PKD1L1: variants seen among roughly 807,000 people sequenced by gnomAD.
PKD1L1 encodes polycystin 1 like 1, transient receptor potential channel interacting.
A neutral mutation model predicts 323.4 loss-of-function variants in PKD1L1; 236 were observed. The ratio of observed to expected loss-of-function variants is 0.73; its 90% CI spans 0.66 to 0.81. The LOEUF (loss-of-function observed/expected upper bound fraction) is 0.81. Among genes scored for constraint, PKD1L1 ranks in the 40% least tolerant of loss-of-function variants. The pLI is 0.00. For synonymous variants in PKD1L1, 1,344 were observed against 1,335.0 expected, an observed-to-expected ratio of 1.01 and a Z score of -0.15; for missense variants, 3,320 against 3,508.0, an observed-to-expected ratio of 0.95 and a Z score of 1.35.
At position 47,800,833 on chromosome 7, in the gene PKD1L1, A is replaced by T. The variant is rs1241676448; in HGVS notation, c.8009T>A (p.Phe2670Tyr). 1 of 1,614,074 alleles carries T rather than the reference A, an allele frequency of 6.2e-7. No individual in the cohort carries two copies. Among genetic ancestry groups the T allele is most frequent in the Non-Finnish European group, 8.5e-7 (1 of 1,180,014 alleles). ...TGGTAGAACCCACATAGAGAGCAGA[A>T]ATCGGTGCAGGTGGGAGAGGGCGGC... ...MLAALSHLHR[F>Y]LLSMWVLPPG... The change falls in exon 54 of 57, where the codon TTT becomes TAT. Residue 2670 changes from phenylalanine to tyrosine, a missense_variant. Transcript: ENST00000289672.
In PKD1L1 at chr7:47,929,418, T is replaced by C. The variant is rs371267115; in HGVS notation, c.846A>G (p.Leu282=). Residue 282 remains leucine, a synonymous_variant, in exon 7 of 57, where the codon CTA becomes CTG. Coordinates refer to ENST00000289672, the MANE Select transcript of PKD1L1 (RefSeq NM_138295.5). ...PPTQHPPVAI[L]ARNSDNFMNP... is the part of the protein sequence containing the mutation. The stretch of plus-strand genomic sequence containing the variant: ...TCATGAAGTTATCAGAATTTCGAGC[T>C]AGGATGGCCACAGGAGGATGCTGAG... 11 of 1,613,996 alleles carry C rather than the reference T, an allele frequency of 6.8e-6. No individual in the cohort carries two copies. In the African/African-American group the frequency reaches 1.5e-4, roughly 22 times the overall value.
At chr7:47,820,541 A>G (rs1466390654) in intron 46 of PKD1L1, among the ~76,000 whole-genome samples, 1 of 152,200 alleles carries the variant, frequency 6.6e-6, no homozygotes, top group Admixed American at 6.5e-5. Context: ...CCTGACGAAC[A>G]TGGTGAAACC....
chr7:47,951,317 A>T (rs1390379034), upstream of PKD1L1, among the ~76,000 whole-genome samples: 1 of 152,178 alleles, frequency 6.6e-6, no homozygotes, highest in African/African-American at 2.4e-5. Flanking sequence ...GCTGGAAGAG[A>T]TCCTGGGAGG....
At chr7:47,814,439 G>A (rs1784971567) in intron 47 of PKD1L1, among the ~76,000 whole-genome samples, 1 of 152,208 alleles carries the variant, frequency 6.6e-6, no homozygotes, top group Non-Finnish European at 1.5e-5. Context: ...GAGTGCAGTG[G>A]TGTGACCTGA....
rs561349761 is a variant in PKD1L1 at position 47,878,551 on chromosome 7, T to C, written c.3521-920A>G. Among the ~76,000 whole-genome samples, 3 of 152,354 alleles carry C rather than the reference T, an allele frequency of 2.0e-5. No individual in the cohort carries two copies. In the East Asian group the frequency reaches 5.8e-4, roughly 29 times the overall value. ...TGTATTATCTTATTTAACAGTCACATTAACCATGGAAGACAGATCTCATAA... is the reference window on the plus strand; with the variant it reads ...TGTATTATCTTATTTAACAGTCACACTAACCATGGAAGACAGATCTCATAA... On this transcript the variant is annotated intron_variant, in intron 21 of 56. Transcript: ENST00000289672.
intron 7 of PKD1L1, among the ~76,000 whole-genome samples, chr7:47,919,464 T>A (rs1408181677): frequency 1.3e-5 from 2 of 152,018 alleles, no homozygotes; most frequent in Non-Finnish European, 2.9e-5. Context: ...TTGGTACCAA[T>A]CCTATTGACA....
intron 56 of PKD1L1, among the ~76,000 whole-genome samples, chr7:47,791,968 G>A (rs900028439): frequency 2.6e-5 from 4 of 152,194 alleles, no homozygotes; most frequent in African/African-American, 9.7e-5. Context: ...TTTGCAAGTA[G>A]TGTGACTCTA....
intron 56 of PKD1L1, among the ~76,000 whole-genome samples, chr7:47,775,668 A>G (rs1037233924): frequency 6.6e-6 from 1 of 152,218 alleles, no homozygotes; most frequent in Non-Finnish European, 1.5e-5. Flanking sequence ...CTAAATGCCT[A>G]TATTAAAAGA....
intron 41 of PKD1L1, among the ~76,000 whole-genome samples, chr7:47,832,189 G>A (rs555580593): frequency 1.4e-4 from 22 of 152,318 alleles, no homozygotes; most frequent in African/African-American, 4.3e-4. Context: ...AGCTGTGGCC[G>A]GGACAGTGGC....
rs746091037 is a variant in PKD1L1 at position 47,809,528 on chromosome 7, C to T, written c.7631G>A (p.Arg2544His). ...GCTGAGGACGCCCTTGTCCATCATA[C>T]GGTAGAGTTGAACACAGAGGTGGAT... ...SLIHLCVQLY[R>H]MMDKGVLSYW... Residue 2544 changes from arginine (R) to histidine (H), a missense_variant, in exon 51 of 57, where the codon CGT (arginine) becomes CAT (histidine). Physicochemically the swap from Arg to His is conservative, Grantham distance 29. Transcript: ENST00000289672. 34 of 1,609,290 alleles carry T rather than the reference C, an allele frequency of 2.1e-5. No individual in the cohort carries two copies. Among genetic ancestry groups the T allele is most frequent in the Non-Finnish European group, 2.4e-5 (28 of 1,178,092 alleles).
At chr7:47,813,319 GAC>G (rs1400065633) in intron 48 of PKD1L1, 26 bp from the exon 49 acceptor site, 3 of 1,612,774 alleles carry the variant, frequency 1.9e-6, no homozygotes, top group Non-Finnish European at 2.5e-6. Context: ...GCAGTCAGAA[GAC>G]ACAGATACTA....
intron 26 of PKD1L1, 25 bp downstream of exon 26, chr7:47,865,191 A>G (rs1341727756): frequency 6.3e-7 from 1 of 1,585,262 alleles, no homozygotes; most frequent in Admixed American, 1.7e-5. Flanking sequence ...ATAGGAAAAT[A>G]TTTCTGGGAA....
At chr7:47,894,839 C>CA (rs1301632760) in intron 14 of PKD1L1, among the ~76,000 whole-genome samples, 1 of 137,790 alleles carries the variant, frequency 7.3e-6, no homozygotes, top group Non-Finnish European at 1.5e-5. Flanking sequence ...GCCTGGGCAA[C>CA]AGAGTGAGAC....
At chr7:47,883,902 T>G (rs1786620605) in intron 19 of PKD1L1, among the ~76,000 whole-genome samples, 1 of 152,236 alleles carries the variant, frequency 6.6e-6, no homozygotes, top group Non-Finnish European at 1.5e-5. Flanking sequence ...GACAGATAAA[T>G]CAGTCACTCG....
chr7:47,959,595 CATATGAGAAGT>C, the PKD1L1 span, among the ~76,000 whole-genome samples: 1 of 130,818 alleles, frequency 7.6e-6, no homozygotes, highest in African/African-American at 2.7e-5. Flanking sequence ...GCAACTGCCC[CATATGAGAAGT>C]GAGGAGCCCC....
intron 14 of PKD1L1, among the ~76,000 whole-genome samples, chr7:47,897,512 C>T (rs1379652245): frequency 6.6e-6 from 1 of 152,128 alleles, no homozygotes; most frequent in African/African-American, 2.4e-5. Flanking sequence ...TAAAAATGAC[C>T]TCTCCCTCTT....
In PKD1L1 at chr7:47,808,359, T is replaced by C; in HGVS notation, c.7715A>G (p.Tyr2572Cys). Residue 2572 changes from tyrosine to cysteine, a missense_variant, in exon 52 of 57, where the codon TAC (tyrosine) becomes TGC (cysteine). Coordinates refer to ENST00000289672, the MANE Select transcript of PKD1L1 (RefSeq NM_138295.5). ...AACAAGGTGGCCGGAAACTGCATAG[T>C]AGGTGAGGCTCACTCCAACCACGGA... ...ELSVVGVSLT[Y>C]YAVSGHLVTL... 6.2e-7 allele frequency: 1 copy of C among 1,614,106 alleles called. No individual in the cohort carries two copies. The highest frequency in any genetic ancestry group is 8.5e-7 in the Non-Finnish European group (1 of 1,180,014).
intron 2 of PKD1L1, among the ~76,000 whole-genome samples, chr7:47,942,134 T>C (rs1788000399): frequency 1.3e-5 from 2 of 152,080 alleles, no homozygotes; most frequent in Admixed American, 6.5e-5. Flanking sequence ...TCCTCACCCC[T>C]CTCTAATTTT....
intron 10 of PKD1L1, among the ~76,000 whole-genome samples, chr7:47,905,612 A>G (rs2128751146): frequency 6.6e-6 from 1 of 152,360 alleles, no homozygotes; most frequent in South Asian, 2.1e-4. Flanking sequence ...GAGCTGGCAG[A>G]TAACAGTCCC....
Sources: gnomAD v4.1 joint callset for allele counts (sites outside exome capture counted in the v4.1 genomes callset) on GRCh38, gnomAD v4.1.1 for gene constraint, MANE v1.5 for transcripts, NCBI Gene and HGNC (gene_info 2026-07-23, HGNC 2026-07-21) for gene names.